F13A1: variants seen among roughly 807,000 people sequenced by gnomAD.
F13A1 encodes the protein FSF, A subunit.
F13A1 carries 47 observed loss-of-function variants against 80.1 expected under a neutral mutation model. That is an observed-to-expected ratio of 0.59 (90% CI 0.46 to 0.75). F13A1 has a LOEUF of 0.75. Among genes scored for constraint, F13A1 ranks in the 30% least tolerant of loss-of-function variants. The pLI, the probability that F13A1 is intolerant of heterozygous loss-of-function variation, is 0.00. For synonymous variants in F13A1, 349 were observed against 344.9 expected (o/e 1.01, Z -0.13); for missense variants, 817 against 930.4 (o/e 0.88, Z 1.59).
intron 3 of F13A1, among the ~76,000 whole-genome samples, chr6:6,269,622 A>G (rs958335376): frequency 1.3e-5 from 2 of 152,114 alleles, no homozygotes; most frequent in African/African-American, 4.8e-5. Context: ...TTAATGATCA[A>G]TGTAATCTCC....
intron 3 of F13A1, among the ~76,000 whole-genome samples, chr6:6,300,591 C>T (rs1004911149): frequency 6.6e-6 from 1 of 152,138 alleles, no homozygotes; most frequent in Non-Finnish European, 1.5e-5. Flanking sequence ...ATGCCTCGCC[C>T]TGCTTCGGCT....
intron 4 of F13A1, among the ~76,000 whole-genome samples, chr6:6,259,671 C>T (rs767795525): frequency 3.9e-5 from 6 of 152,154 alleles, no homozygotes; most frequent in African/African-American, 9.6e-5. Context: ...TGACAGGGTG[C>T]GGCGAACCTA....
chr6:6,264,500 A>T (rs1272684981), intron 4 of F13A1, among the ~76,000 whole-genome samples: 2 of 152,146 alleles, frequency 1.3e-5, no homozygotes, highest in African/African-American at 4.8e-5. Context: ...CTCCTTCTCT[A>T]CTGGACTCCT....
At chr6:6,253,418 C>T (rs573942825) in intron 4 of F13A1, among the ~76,000 whole-genome samples, 7 of 152,194 alleles carry the variant, frequency 4.6e-5, no homozygotes, top group East Asian at 1.9e-4. Flanking sequence ...AATATGACTG[C>T]GCAGCTGAGC....
intron 13 of F13A1, among the ~76,000 whole-genome samples, chr6:6,166,541 G>A (rs1270635546): frequency 6.6e-6 from 1 of 152,206 alleles, no homozygotes; most frequent in East Asian, 1.9e-4. Context: ...AGAGACTAGG[G>A]AAGGGCTCTA....
intron 3 of F13A1, among the ~76,000 whole-genome samples, chr6:6,299,483 C>A (rs2113172752): frequency 1.6e-5 from 2 of 126,234 alleles, no homozygotes; most frequent in East Asian, 4.3e-4. Flanking sequence ...TCCCTTCTCA[C>A]TTCATTTCGT....
rs1474994074 is a variant in F13A1, at chr6:6,162,147, A to T, written c.1908+5311T>A. ...ATTCCCACTCTAGAAACTCCCTTGA[A>T]GCCTCTTTGTTCAGAGAGTCGATGA... On this transcript the variant is annotated intron_variant, in intron 13 of 14. Transcript: ENST00000264870. The surrounding 1 kb of genome is among the most constrained non-coding windows in gnomAD (Gnocchi z 4.2). Among the ~76,000 whole-genome samples, 1 of 152,142 alleles carries T rather than the reference A, an allele frequency of 6.6e-6. No individual in the cohort carries two copies. Among genetic ancestry groups the T allele is most frequent in the Non-Finnish European group, 1.5e-5 (1 of 68,018 alleles).
At chr6:6,285,988 G>A (rs1373911514) in intron 3 of F13A1, among the ~76,000 whole-genome samples, 3 of 152,224 alleles carry the variant, frequency 2.0e-5, no homozygotes, top group African/African-American at 4.8e-5. Flanking sequence ...ACTAGTAAAC[G>A]CACTGTGCAT....
At chr6:6,196,019 C>T (rs1223346582) in intron 9 of F13A1, 134 bp from the exon 10 acceptor site, 2 of 849,652 alleles carry the variant, frequency 2.4e-6, no homozygotes, top group Middle Eastern at 3.3e-4. Flanking sequence ...AGCCCAGATG[C>T]TTTCCAAGGC....
chr6:6,217,444 C>T (rs28419631), intron 8 of F13A1, among the ~76,000 whole-genome samples: 41 of 147,744 alleles, frequency 2.8e-4, no homozygotes, highest in South Asian at 2.6e-3. Flanking sequence ...AACCAAACAC[C>T]GCATATTCTC....
intron 2 of F13A1, among the ~76,000 whole-genome samples, chr6:6,315,743 G>T (rs544741289): frequency 2.6e-5 from 4 of 152,046 alleles, no homozygotes; most frequent in African/African-American, 7.2e-5. Context: ...TGGAAGAGTG[G>T]CCACTGAAAA....
chr6:6,151,866 G>C lies in F13A1; in HGVS notation c.1992C>G (p.Val664=). Residue 664 remains valine, a synonymous_variant, in exon 14 of 15, where the codon GTC becomes GTG. Coordinates refer to ENST00000264870, the MANE Select transcript of F13A1 (RefSeq NM_000129.4). ...CTCCAGGACCATCCAGGTGTACCCAGACATTTCGCAGGGTTTCTTTTAAAG... is the reference window on the plus strand; with the variant it reads ...CTCCAGGACCATCCAGGTGTACCCACACATTTCGCAGGGTTTCTTTTAAAG... ...TNPLKETLRN[V]WVHLDGPGVT... is the part of the protein sequence containing the mutation. 2 of 1,614,094 alleles carry C rather than the reference G, an allele frequency of 1.2e-6. No homozygotes were observed. Among genetic ancestry groups the C allele is most frequent in the Admixed American group, 1.7e-5 (1 of 60,016 alleles).
intron 6 of F13A1, among the ~76,000 whole-genome samples, chr6:6,230,015 G>A (rs1188802967): frequency 6.6e-6 from 1 of 152,182 alleles, no homozygotes; most frequent in African/African-American, 2.4e-5. Flanking sequence ...GGACAGAGGA[G>A]CAGAGGATAA....
chr6:6,320,558 G>A (rs1006697303), intron 1 of F13A1, 29 bp downstream of exon 1: 48 of 444,588 alleles, frequency 1.1e-4, no homozygotes, highest in Non-Finnish European at 1.1e-4. Context: ...GCGGGCCCTG[G>A]CTCATAGGGT....
In F13A1 at chr6:6,144,134, T is replaced by A. The variant is rs921823395; in HGVS notation, c.*1485A>T. On this transcript the variant is annotated 3_prime_UTR_variant, in exon 15 of 15. Transcript: ENST00000264870. Reference sequence around the variant, plus strand: ...GCTTCTATTACATTGTAATTAATAATAATATACTAAGTTAAGCCAGTTTAA... The same window carrying A: ...GCTTCTATTACATTGTAATTAATAAAAATATACTAAGTTAAGCCAGTTTAA... 2.6e-5 allele frequency: 4 copies of A among 152,224 alleles called. No individual in the cohort carries two copies. The highest frequency in any genetic ancestry group is 9.6e-5 in the African/African-American group (4 of 41,460). The allele number at this position is 152,224 out of a possible 1,614,324, so 9.4% of individuals were successfully genotyped here. A position where few individuals can be genotyped will look rare whatever the true frequency, so the allele number is the denominator to read the frequency against.
chr6:6,175,521 G>A (rs917258337), intron 11 of F13A1, among the ~76,000 whole-genome samples: 2 of 152,202 alleles, frequency 1.3e-5, no homozygotes, highest in Admixed American at 6.5e-5. Context: ...GCTCTGGCAA[G>A]ACATTAAAAA....
At chr6:6,216,083 T>G (rs924818399) in intron 8 of F13A1, among the ~76,000 whole-genome samples, 7 of 148,092 alleles carry the variant, frequency 4.7e-5, no homozygotes, top group Non-Finnish European at 1.0e-4. Flanking sequence ...ATCAATATCG[T>G]GAAAATGGCC....
At chr6:6,211,813 G>A (rs1398940727) in intron 8 of F13A1, among the ~76,000 whole-genome samples, 1 of 152,236 alleles carries the variant, frequency 6.6e-6, no homozygotes, top group Non-Finnish European at 1.5e-5. Flanking sequence ...GCAGGTTAGT[G>A]GGTGCGCGCA....
chr6:6,311,467 C>T lies in F13A1; in HGVS notation c.131-5928G>A, dbSNP rs538319113. 8.7e-4 allele frequency among the ~76,000 whole-genome samples: 128 copies of T among 147,528 alleles called. 2 individuals carry two copies. The South Asian group carries it at 0.015, about 17-fold the overall frequency. On this transcript the variant is annotated intron_variant, in intron 2 of 14. Coordinates refer to ENST00000264870, the MANE Select transcript of F13A1 (RefSeq NM_000129.4). ...TTCTAGCCTGCTTATATGTTGATAA[C>T]AAAGGGTGAGAAAAAGGGTGCTGAT...
Sources: gnomAD v4.1 joint callset for allele counts (sites outside exome capture counted in the v4.1 genomes callset) on GRCh38, gnomAD v4.1.1 for gene constraint, Gnocchi (gnomAD v3.1) non-coding constraint, MANE v1.5 for transcripts, NCBI Gene and HGNC (gene_info 2026-07-23, HGNC 2026-07-21) for gene names.